ARL15: variants seen among roughly 807,000 people sequenced by gnomAD.
ARL15 encodes ARF like GTPase 15.
In ARL15, 19 loss-of-function variants were observed where a neutral mutation model predicts 25.2. That is an observed-to-expected ratio of 0.75 (90% confidence interval 0.53 to 1.10). The LOEUF (loss-of-function observed/expected upper bound fraction) is 1.10. Among genes scored for constraint, ARL15 ranks in the 50% least tolerant of loss-of-function variants. The pLI, the probability that ARL15 is intolerant of heterozygous loss-of-function variation, is 0.00. For synonymous variants in ARL15, 94 were observed against 86.8 expected, an observed-to-expected ratio of 1.08 and a Z score of -0.46; for missense variants, 220 against 246.0, an observed-to-expected ratio of 0.89 and a Z score of 0.71.
chr5:54,247,452 A>C (rs1232407369), intron 1 of ARL15, among the ~76,000 whole-genome samples: 1 of 151,928 alleles, frequency 6.6e-6, no homozygotes, highest in Non-Finnish European at 1.5e-5. Flanking sequence ...TGCAATTCAC[A>C]CCCTATGAAC....
chr5:54,062,853 A>G (rs985899767), intron 4 of ARL15, among the ~76,000 whole-genome samples: 1 of 152,206 alleles, frequency 6.6e-6, no homozygotes, highest in Admixed American at 6.5e-5. Flanking sequence ...GAAGCCCACA[A>G]AAAGAAACAG....
In ARL15 at chr5:54,113,380, C is replaced by T. The variant is rs370435144; in HGVS notation, c.284G>A (p.Arg95His). The part of the protein sequence containing the change: ...GADNIRKYWS[R>H]YYQGSQGVIF... ...TACCCCTTGAGATCCTTGGTAGTAGCGGCTCCAGTATTTCCGGATGTTATC... is the reference window on the plus strand; with the variant it reads ...TACCCCTTGAGATCCTTGGTAGTAGTGGCTCCAGTATTTCCGGATGTTATC... The change falls in exon 4 of 5, where the codon CGC becomes CAC. Residue 95 changes from arginine (R) to histidine (H), a missense_variant. By Grantham distance (29) the Arg-to-His change is conservative. Coordinates refer to ENST00000504924, the MANE Select transcript of ARL15 (RefSeq NM_019087.3). The T allele has an allele frequency of 8.7e-6, 14 of 1,613,762 alleles. No individual in the cohort carries two copies. The highest frequency in any genetic ancestry group is 1.3e-5 in the African/African-American group (1 of 74,912).
intron 1 of ARL15, among the ~76,000 whole-genome samples, chr5:54,185,033 T>G (rs772513304): frequency 7.2e-5 from 11 of 152,222 alleles, no homozygotes; most frequent in Non-Finnish European, 1.6e-4. Flanking sequence ...CTTTATGATC[T>G]GACCTTTGCC....
chr5:53,995,338 A>AT (rs145010918), intron 4 of ARL15, among the ~76,000 whole-genome samples: 34,402 of 139,004 alleles, frequency 0.25, 4,527 homozygotes, highest in East Asian at 0.45. Context: ...GCAATTGGGG[A>AT]TTTTTTTAAA....
chr5:54,051,766 C>A (rs571114785), intron 4 of ARL15, among the ~76,000 whole-genome samples: 1 of 152,132 alleles, frequency 6.6e-6, no homozygotes, highest in Non-Finnish European at 1.5e-5. Context: ...CTTACAAATA[C>A]GACCCAACAA....
chr5:54,174,801 T>C (rs1321204008), intron 1 of ARL15, among the ~76,000 whole-genome samples: 1 of 152,264 alleles, frequency 6.6e-6, no homozygotes, highest in Non-Finnish European at 1.5e-5. Context: ...TATTTGTGTA[T>C]GTGTCTGTTC....
In ARL15 at chr5:53,910,142, C is replaced by G. The variant is rs574093837; in HGVS notation, c.463-23429G>C. Among the ~76,000 whole-genome samples the G allele has an allele frequency of 4.6e-5, 7 of 152,256 alleles. No homozygotes were observed. In the East Asian group the frequency reaches 1.4e-3, roughly 29 times the overall value. ...AATCCAACAACTGCCCACAGGGCTGCAATGTTTATATGTGGATTTTCCAGA... is the reference window on the plus strand; with the variant it reads ...AATCCAACAACTGCCCACAGGGCTGGAATGTTTATATGTGGATTTTCCAGA... On this transcript the variant is annotated intron_variant, in intron 4 of 4. Transcript: ENST00000504924.
At chr5:54,178,972 A>T (rs911654222) in intron 1 of ARL15, among the ~76,000 whole-genome samples, 1 of 152,232 alleles carries the variant, frequency 6.6e-6, no homozygotes, top group African/African-American at 2.4e-5. Flanking sequence ...TGAACAGCAG[A>T]TATAAGTGAC....
At chr5:54,206,153 T>C (rs1161786017) in intron 1 of ARL15, among the ~76,000 whole-genome samples, 1 of 152,204 alleles carries the variant, frequency 6.6e-6, no homozygotes, top group Non-Finnish European at 1.5e-5. Context: ...TGCTAGTAGT[T>C]ACATAGTTTA....
At chr5:54,131,540 A>T (rs940533196) in intron 3 of ARL15, among the ~76,000 whole-genome samples, 4 of 152,190 alleles carry the variant, frequency 2.6e-5, no homozygotes, top group African/African-American at 9.6e-5. Context: ...GAGCCAGAGT[A>T]GTCAGTTATC....
chr5:54,116,522 G>A (rs1283600794), intron 3 of ARL15, among the ~76,000 whole-genome samples: 1 of 152,202 alleles, frequency 6.6e-6, no homozygotes, highest in Non-Finnish European at 1.5e-5. Flanking sequence ...GATGTGCAGT[G>A]CACAGTTTTC....
At chr5:53,909,795 C>G (rs1745394227) in intron 4 of ARL15, among the ~76,000 whole-genome samples, 1 of 152,182 alleles carries the variant, frequency 6.6e-6, no homozygotes, top group African/African-American at 2.4e-5. Context: ...TAAAACTACA[C>G]TGTATGCAGA....
chr5:54,195,595 C>A (rs1755527013), intron 1 of ARL15, among the ~76,000 whole-genome samples: 1 of 151,976 alleles, frequency 6.6e-6, no homozygotes, highest in South Asian at 2.1e-4. Context: ...TAAAGTAATA[C>A]CTGTAATGAA....
chr5:54,121,719 T>C (rs1753081336), intron 3 of ARL15, among the ~76,000 whole-genome samples: 1 of 152,190 alleles, frequency 6.6e-6, no homozygotes, highest in Non-Finnish European at 1.5e-5. Context: ...GCATGGACTC[T>C]TACTGAGTTC....
At chr5:54,305,619 T>C (rs911683650) in intron 1 of ARL15, among the ~76,000 whole-genome samples, 11 of 152,190 alleles carry the variant, frequency 7.2e-5, no homozygotes, top group African/African-American at 2.7e-4. Flanking sequence ...CTATATTTTT[T>C]CCTATACACA....
At chr5:53,889,515 T>C (rs539210607) in intron 4 of ARL15, among the ~76,000 whole-genome samples, 12 of 152,170 alleles carry the variant, frequency 7.9e-5, no homozygotes, top group Admixed American at 2.6e-4. Context: ...AGGGGCCTAG[T>C]GGTGTTAAGC....
chr5:54,287,591 A>C (rs1021537236), intron 1 of ARL15, among the ~76,000 whole-genome samples: 2 of 151,958 alleles, frequency 1.3e-5, no homozygotes, highest in African/African-American at 4.8e-5. Flanking sequence ...TTTGCAAATA[A>C]TTGCTTCTCA....
At chr5:54,300,452 AC>A (rs1304536835) in intron 1 of ARL15, among the ~76,000 whole-genome samples, 2 of 152,140 alleles carry the variant, frequency 1.3e-5, no homozygotes, top group African/African-American at 4.8e-5. Context: ...AGGTGACCCC[AC>A]CCTCCATCTG....
intron 4 of ARL15, among the ~76,000 whole-genome samples, chr5:54,088,230 G>A (rs554997604): frequency 4.1e-4 from 63 of 152,312 alleles, no homozygotes; most frequent in African/African-American, 1.5e-3. Context: ...TTGGGGAATT[G>A]TCAGGACAAA....
Sources: allele counts gnomAD v4.1 joint callset (sites outside exome capture counted in the v4.1 genomes callset), GRCh38; gene constraint gnomAD v4.1.1; transcripts MANE v1.5; gene names NCBI Gene and HGNC (gene_info 2026-07-23, HGNC 2026-07-21).